EPB41L5: variants seen among roughly 807,000 people sequenced by gnomAD.
The protein encoded by EPB41L5 is band 4.1-like protein 5.
Under a neutral mutation model 106.6 loss-of-function variants are expected in EPB41L5, and 55 were observed. The observed-to-expected ratio is 0.52, with a 90% CI of 0.42 to 0.65. The LOEUF (loss-of-function observed/expected upper bound fraction) is 0.65. Ranked by LOEUF, EPB41L5 falls within the 30% of genes least tolerant of loss-of-function variation. The pLI is 0.00. For missense variants in EPB41L5, 871 were observed against 882.1 expected, an observed-to-expected ratio of 0.99 and a Z score of 0.16; for synonymous variants, 297 against 306.7, an observed-to-expected ratio of 0.97 and a Z score of 0.33.
chr2:120,046,107 C>A (rs552037254), intron 3 of EPB41L5, among the ~76,000 whole-genome samples: 257 of 152,252 alleles, frequency 1.7e-3, no homozygotes, highest in Non-Finnish European at 3.2e-3. Context: ...AATAGTGCCG[C>A]AGTAAACATA....
Position 120,086,418 on chromosome 2 carries a change from G to A in EPB41L5, c.804-753G>A, listed in dbSNP as rs1683056597. On this transcript the variant is annotated intron_variant, in intron 10 of 24. Transcript: ENST00000263713. ...ATACAGTTGGAAAGCGGGCCATAAA[G>A]CGAGGTTAAAAAAATTAAGAAGTAT... Among the ~76,000 whole-genome samples, 3 of 152,266 alleles carry A rather than the reference G, an allele frequency of 2.0e-5. No individual in the cohort carries two copies. In the South Asian group the frequency reaches 6.2e-4, roughly 32 times the overall value.
rs1045240283 is a variant in EPB41L5 at position 120,178,934 on chromosome 2, T to G, written c.*4027T>G. The G allele has an allele frequency of 6.6e-6, 1 of 152,254 alleles. No individual in the cohort carries two copies. The highest frequency in any genetic ancestry group is 1.5e-5 in the Non-Finnish European group (1 of 68,046). The allele number at this position is 152,254 out of a possible 1,614,324, so 9.4% of individuals were successfully genotyped here. A position where few individuals can be genotyped will look rare whatever the true frequency, so the allele number is the denominator to read the frequency against. ...TCTCACTAACTATTTTGTGTTTACC[T>G]TTTATATGTGTAAAACTTTGCAGTA... On this transcript the variant is annotated 3_prime_UTR_variant, in exon 25 of 25. Coordinates refer to ENST00000263713, the MANE Select transcript of EPB41L5 (RefSeq NM_020909.4).
intron 16 of EPB41L5, among the ~76,000 whole-genome samples, chr2:120,102,305 T>TTTATTAATTCA (rs1684192415): frequency 6.6e-6 from 1 of 152,198 alleles, no homozygotes; most frequent in African/African-American, 2.4e-5. Context: ...ATTTATTAAA[T>TTTATTAATTCA]TTTAAGGAAA....
Position 120,093,244 on chromosome 2 carries a change from G to A in EPB41L5, c.1151-5G>A. 1.9e-6 allele frequency: 3 copies of A among 1,613,038 alleles called. No homozygotes were observed. Among genetic ancestry groups the A allele is most frequent in the Non-Finnish European group, 1.7e-6 (2 of 1,179,136 alleles). On this transcript the variant is annotated splice_region_variant and splice_polypyrimidine_tract_variant and intron_variant, in intron 13 of 24. Coordinates refer to ENST00000263713, the MANE Select transcript of EPB41L5 (RefSeq NM_020909.4). ...AATGAGGTGTTATCTTTTTTCTTCT[G>A]TTAGCATGTGCTACAAAACCTGAAG... is the stretch of plus-strand genomic sequence containing the variant.
At chr2:120,094,449 G>T (rs1683615176) in intron 14 of EPB41L5, among the ~76,000 whole-genome samples, 1 of 142,896 alleles carries the variant, frequency 7.0e-6, no homozygotes, top group African/African-American at 2.6e-5. Flanking sequence ...CTTCCTTTCT[G>T]ATTTTTAGTA....
chr2:120,017,519 G>A (rs1677605786), intron 1 of EPB41L5, among the ~76,000 whole-genome samples: 1 of 152,162 alleles, frequency 6.6e-6, no homozygotes, highest in South Asian at 2.1e-4. Flanking sequence ...AAACACATGA[G>A]GATAGCAAAG....
intron 1 of EPB41L5, among the ~76,000 whole-genome samples, chr2:120,017,622 G>GA (rs1047305067): frequency 6.6e-6 from 1 of 151,938 alleles, no homozygotes; most frequent in African/African-American, 2.4e-5. Flanking sequence ...TAGAGTTAAG[G>GA]AAAAAAGCAT....
intron 16 of EPB41L5, among the ~76,000 whole-genome samples, chr2:120,115,935 A>G (rs1380892668): frequency 6.6e-6 from 1 of 151,774 alleles, no homozygotes; most frequent in Non-Finnish European, 1.5e-5. Context: ...TCATCCTCCT[A>G]AGTAGCTGGG....
intron 20 of EPB41L5, among the ~76,000 whole-genome samples, chr2:120,148,749 A>G (rs1011074931): frequency 1.3e-5 from 2 of 152,216 alleles, no homozygotes; most frequent in African/African-American, 4.8e-5. Flanking sequence ...TTATTTATCC[A>G]TATATCAGTT....
intron 23 of EPB41L5, 120 bp from the exon 24 acceptor site, chr2:120,167,757 A>G (rs1452962423): frequency 1.5e-5 from 19 of 1,289,472 alleles, no homozygotes; most frequent in Admixed American, 4.1e-5. Flanking sequence ...ACAAACAGTC[A>G]TAATTATCAA....
At chr2:120,075,352 C>T in intron 5 of EPB41L5, 124 bp from the exon 6 acceptor site, 1 of 735,996 alleles carries the variant, frequency 1.4e-6, no homozygotes, top group Non-Finnish European at 2.3e-6. Flanking sequence ...AAACTATGCA[C>T]ATCTTTTATA....
At chr2:120,160,843 A>AG in intron 20 of EPB41L5, 38 bp from the exon 21 acceptor site, 1 of 1,475,554 alleles carries the variant, frequency 6.8e-7, no homozygotes, top group Non-Finnish European at 9.5e-7. Flanking sequence ...GTACCTGTAC[A>AG]GGTCCTACAT....
chr2:120,046,275 A>T (rs1679769220), intron 3 of EPB41L5, among the ~76,000 whole-genome samples: 1 of 152,184 alleles, frequency 6.6e-6, no homozygotes, highest in African/African-American at 2.4e-5. Flanking sequence ...TCCCACCAAC[A>T]GTGTAAAATT....
chr2:120,136,256 A>G (rs1685919625), intron 18 of EPB41L5, among the ~76,000 whole-genome samples: 1 of 151,566 alleles, frequency 6.6e-6, no homozygotes, highest in African/African-American at 2.4e-5. Flanking sequence ...AAAGCCTACA[A>G]CAGATACACA....
At chr2:120,119,780 A>G (rs1454600324) in intron 16 of EPB41L5, among the ~76,000 whole-genome samples, 1 of 152,222 alleles carries the variant, frequency 6.6e-6, no homozygotes, top group Admixed American at 6.5e-5. Context: ...AGAGATGGAA[A>G]CAAGTCAATA....
intron 20 of EPB41L5, among the ~76,000 whole-genome samples, chr2:120,147,806 G>T (rs1686477305): frequency 6.6e-6 from 1 of 152,094 alleles, no homozygotes; most frequent in Non-Finnish European, 1.5e-5. Flanking sequence ...CTTGAAGCTG[G>T]AAAGAGCCTA....
At chr2:120,153,332 G>C (rs1305637161) in intron 20 of EPB41L5, among the ~76,000 whole-genome samples, 1 of 152,036 alleles carries the variant, frequency 6.6e-6, no homozygotes, top group Middle Eastern at 3.4e-3. Flanking sequence ...CATTCATTAT[G>C]GTAAGAGAAG....
intron 14 of EPB41L5, among the ~76,000 whole-genome samples, chr2:120,097,763 A>C (rs894882564): frequency 6.6e-6 from 1 of 152,238 alleles, no homozygotes; most frequent in South Asian, 2.1e-4. Flanking sequence ...GAACTAGGTT[A>C]GTAATGAGAA....
At chr2:120,172,176 C>A (rs1421475899) in intron 24 of EPB41L5, among the ~76,000 whole-genome samples, 1 of 151,968 alleles carries the variant, frequency 6.6e-6, no homozygotes. Context: ...CCTAGGACGT[C>A]CTATATATGA....
Sources: gnomAD v4.1 joint callset for allele counts (sites outside exome capture counted in the v4.1 genomes callset) on GRCh38, gnomAD v4.1.1 for gene constraint, MANE v1.5 for transcripts, NCBI Gene and HGNC (gene_info 2026-07-23, HGNC 2026-07-21) for gene names.